The following UTP20 variants were observed in gnomAD, a reference collection of about 807,000 sequenced individuals.
UTP20 encodes the protein UTP20 small subunit processome component, also known as small subunit processome component 20 homolog.
UTP20 carries 164 observed loss-of-function variants against 329.5 expected under a neutral mutation model. That is an observed-to-expected ratio of 0.50 (90% CI 0.44 to 0.57). The LOEUF (loss-of-function observed/expected upper bound fraction) is 0.57, where lower values mean the gene tolerates loss of function less well. UTP20 is among the 20% of genes least tolerant of loss of function. The pLI, the probability that UTP20 is intolerant of heterozygous loss-of-function variation, is 0.00. For synonymous variants in UTP20, 1,151 were observed against 1,159.3 expected, an observed-to-expected ratio of 0.99 and a Z score of 0.14; for missense variants, 3,055 against 3,284.2, an observed-to-expected ratio of 0.93 and a Z score of 1.71.
chr12:101,338,825 T>A lies in UTP20; in HGVS notation c.3881T>A (p.Ile1294Lys), dbSNP rs188752585. The change falls in exon 31 of 62, where the codon ATA becomes AAA. Residue 1294 changes from isoleucine to lysine, a missense_variant. Around this residue, in one of 3 missense-constraint regions of UTP20, gnomAD observed 2,445 missense variants for 2,575.5 expected, o/e 0.95. Transcript: ENST00000261637. Reference sequence around the variant, plus strand: ...CTATCTATTTCAGAGTCTATCACAATAGGAGGAAGATTAATTCTACCTCAT... The same window carrying A: ...CTATCTATTTCAGAGTCTATCACAAAAGGAGGAAGATTAATTCTACCTCAT... ...IAENIGESIT[I>K]GGRLILPHVP... 399 of 1,608,236 alleles carry A rather than the reference T, an allele frequency of 2.5e-4. 1 individual carries two copies. The East Asian group carries it at 8.7e-3, about 35-fold the overall frequency.
chr12:101,325,145 A>G (rs1253969649), intron 25 of UTP20, among the ~76,000 whole-genome samples: 1 of 152,206 alleles, frequency 6.6e-6, no homozygotes, highest in Non-Finnish European at 1.5e-5. Flanking sequence ...AATATAATAG[A>G]AAGTCCTTAC....
At chr12:101,300,633 G>A (rs1036089894) in intron 14 of UTP20, among the ~76,000 whole-genome samples, 1 of 152,086 alleles carries the variant, frequency 6.6e-6, no homozygotes, top group African/African-American at 2.4e-5. Context: ...ATATTTATAT[G>A]TCTCCCCCAC....
At chr12:101,296,254 G>A (rs1179557019) in intron 12 of UTP20, among the ~76,000 whole-genome samples, 2 of 152,156 alleles carry the variant, frequency 1.3e-5, no homozygotes, top group African/African-American at 4.8e-5. Context: ...CTCACCACGA[G>A]GATTCCTCAT....
At position 101,333,447 on chromosome 12, in the gene UTP20, A is replaced by G. The variant is rs1439799821; in HGVS notation, c.3561+3A>G. 1 of 1,612,522 alleles carries G rather than the reference A, an allele frequency of 6.2e-7. No individual in the cohort carries two copies. Among genetic ancestry groups the G allele is most frequent in the Non-Finnish European group, 8.5e-7 (1 of 1,179,618 alleles). ...TTCATGGTGCAGTTTGGCCCCAGGT[A>G]AACCTCAATTTCTACATCTGCCTAT... On this transcript the variant is annotated splice_donor_region_variant and intron_variant, in intron 28 of 61. Transcript: ENST00000261637.
At chr12:101,281,807 C>T (rs566170393) in intron 2 of UTP20, among the ~76,000 whole-genome samples, 27 of 152,162 alleles carry the variant, frequency 1.8e-4, no homozygotes, top group African/African-American at 6.5e-4. Context: ...CAGGTTTAAG[C>T]GATTCTCCTG....
At chr12:101,338,424 TA>T (rs1869008293) in intron 30 of UTP20, 147 bp downstream of exon 30, 3 of 749,682 alleles carry the variant, frequency 4.0e-6, no homozygotes, top group Non-Finnish European at 4.3e-6. Context: ...CTAATTTATA[TA>T]AACTGAATTT....
At chr12:101,306,092 C>G (rs1469870481) in intron 16 of UTP20, 27 bp downstream of exon 16, 3 of 1,591,198 alleles carry the variant, frequency 1.9e-6, no homozygotes, top group Non-Finnish European at 2.6e-6. Context: ...GTAGTGTGTC[C>G]TCAGTCTCTC....
At chr12:101,332,705 T>C (rs1439670732) in intron 27 of UTP20, among the ~76,000 whole-genome samples, 1 of 152,312 alleles carries the variant, frequency 6.6e-6, no homozygotes, top group East Asian at 1.9e-4. Flanking sequence ...TTCCTATCCC[T>C]TGACTCAGTC....
chr12:101,289,087 G>T, intron 6 of UTP20, 46 bp downstream of exon 6: 2 of 1,542,586 alleles, frequency 1.3e-6, no homozygotes, highest in Non-Finnish European at 1.8e-6. Context: ...TCAAGAATCT[G>T]ATGAATAGGC....
Position 101,312,148 on chromosome 12 carries a change from A to G in UTP20, c.2424A>G (p.Lys808=). The change falls in exon 21 of 62, where the codon AAA becomes AAG. Residue 808 remains lysine (K), a synonymous_variant. Transcript: ENST00000261637. The stretch of plus-strand genomic sequence containing the variant: ...TTTATCATGAGCAGTTAGCATTGAA[A>G]ACTGACTGTCAGGAAAGACTTGACC... ...GALYHEQLAL[K]TDCQERLDHT... 2 of 1,614,230 alleles carry G rather than the reference A, an allele frequency of 1.2e-6. No homozygotes were observed.
chr12:101,385,097 C>CAA (rs35335261), intron 60 of UTP20, among the ~76,000 whole-genome samples: 139 of 114,098 alleles, frequency 1.2e-3, no homozygotes, highest in South Asian at 3.6e-3. Flanking sequence ...ACTCCCCCGC[C>CAA]AAAAAAAAAA....
In UTP20 at chr12:101,370,449, C is replaced by G; in HGVS notation, c.6573C>G (p.Val2191=). 6.2e-7 allele frequency: 1 copy of G among 1,613,608 alleles called. No homozygotes were observed. The highest frequency in any genetic ancestry group is 8.5e-7 in the Non-Finnish European group (1 of 1,179,796). Residue 2191 remains valine (V), a synonymous_variant, in exon 50 of 62, where the codon GTC becomes GTG. Coordinates refer to ENST00000261637, the MANE Select transcript of UTP20 (RefSeq NM_014503.3). ...ACTTGCAGTGTGTGACCATACTTGT[C>G]AAGAAAGTCAAGTCTTACCAGATAA... is the stretch of plus-strand genomic sequence containing the variant. ...VNCFKCVTIL[V]KKVKSYQITE...
chr12:101,344,842 G>C, intron 36 of UTP20, 92 bp downstream of exon 36: 1 of 1,078,554 alleles, frequency 9.3e-7, no homozygotes, highest in Admixed American at 2.2e-5. Context: ...AAAGTAGTCA[G>C]GCTTAGTGCA....
chr12:101,370,647 C>G (rs1451391024), intron 50 of UTP20, 84 bp downstream of exon 50: 22 of 1,401,798 alleles, frequency 1.6e-5, no homozygotes, highest in Non-Finnish European at 1.9e-5. Flanking sequence ...AGTGTTTTGA[C>G]TAGTCATAGA....
chr12:101,322,537 A>G (rs533108111), intron 25 of UTP20, among the ~76,000 whole-genome samples: 2 of 152,274 alleles, frequency 1.3e-5, no homozygotes, highest in African/African-American at 4.8e-5. Flanking sequence ...CTTTCATCTC[A>G]CCAGCTCTGG....
chr12:101,352,217 TG>T (rs1869551881), intron 39 of UTP20, 23 bp downstream of exon 39: 1 of 1,591,426 alleles, frequency 6.3e-7, no homozygotes, highest in Non-Finnish European at 8.5e-7. Flanking sequence ...TTCTTATTTT[TG>T]TTTTGTTTTT....
At chr12:101,319,688 A>G (rs1873087534) in intron 23 of UTP20, 53 bp downstream of exon 23, 1 of 1,458,074 alleles carries the variant, frequency 6.9e-7, no homozygotes, top group Non-Finnish European at 9.3e-7. Flanking sequence ...TTTCTCTATC[A>G]TTTTCTTTGT....
chr12:101,385,053 CTTTT>C (rs954980498), intron 60 of UTP20, among the ~76,000 whole-genome samples: 6 of 144,786 alleles, frequency 4.1e-5, no homozygotes, highest in Admixed American at 3.6e-4. Flanking sequence ...GGAGAAATGG[CTTTT>C]TTGTCAACTT....
At position 101,369,742 on chromosome 12, in the gene UTP20, T is replaced by C. The variant is rs1593452383; in HGVS notation, c.6406T>C (p.Cys2136Arg). The C allele has an allele frequency of 6.3e-7, 1 of 1,585,366 alleles. No homozygotes were observed. Among genetic ancestry groups the C allele is most frequent in the East Asian group, 2.2e-5 (1 of 44,712 alleles). ...TCAGGTGATCACAGGTGCTTTACAG[T>C]GCCTCATCTGGGTCTTGAGGTTCCC... ...DVKVITGALQ[C>R]LIWVLRFPLP... The change falls in exon 49 of 62, where the codon TGC becomes CGC. Residue 2136 changes from cysteine (C) to arginine (R), a missense_variant. By Grantham distance (180) the Cys-to-Arg change is radical (BLOSUM62 -3). Coordinates refer to ENST00000261637, the MANE Select transcript of UTP20 (RefSeq NM_014503.3).
Sources: gnomAD v4.1 joint callset for allele counts (sites outside exome capture counted in the v4.1 genomes callset) on GRCh38, gnomAD v4.1.1 for gene constraint, gnomAD v4.1.1 regional missense constraint, MANE v1.5 for transcripts, NCBI Gene and HGNC (gene_info 2026-07-23, HGNC 2026-07-21) for gene names.